VAPB: variants seen among roughly 807,000 people sequenced by gnomAD.
VAPB encodes VAMP associated protein B and C, also known as vesicle-associated membrane protein-associated protein B/C.
VAPB carries 7 observed loss-of-function variants against 25.6 expected under a neutral mutation model. The observed-to-expected ratio is 0.27, with a 90% confidence interval of 0.16 to 0.51. The LOEUF (loss-of-function observed/expected upper bound fraction) is 0.51, where lower values mean the gene tolerates loss of function less well. VAPB is among the 20% of genes least tolerant of loss of function. The pLI is 0.97. For synonymous variants in VAPB, 112 were observed against 109.2 expected, an observed-to-expected ratio of 1.03 and a Z score of -0.16; for missense variants, 266 against 301.3, an observed-to-expected ratio of 0.88 and a Z score of 0.87.
In VAPB at chr20:58,448,049, A is replaced by C; in HGVS notation, c.*3814A>C. On this transcript the variant is annotated 3_prime_UTR_variant, in exon 6 of 6. Transcript: ENST00000475243. Reference sequence around the variant, plus strand: ...CTGGCCTGAAGAAGGAGAAAGAACCAAACTGAACTATGAAAAGTTACCACT... The same window carrying C: ...CTGGCCTGAAGAAGGAGAAAGAACCCAACTGAACTATGAAAAGTTACCACT... 2.2e-6 allele frequency: 1 copy of C among 454,030 alleles called. No individual in the cohort carries two copies. 28.1% of individuals were successfully genotyped at this position (454,030 alleles called of 1,614,324 possible).
Position 58,444,968 on chromosome 20 carries a change from C to G in VAPB, c.*733C>G. ...ATTTAACTTATTTAATGTATTTCAT[C>G]TCATGTTTTCTTATTGTCACAAGAG... On this transcript the variant is annotated 3_prime_UTR_variant, in exon 6 of 6. Coordinates refer to ENST00000475243, the MANE Select transcript of VAPB (RefSeq NM_004738.5). 1 of 454,670 alleles carries G rather than the reference C, an allele frequency of 2.2e-6. No individual in the cohort carries two copies. The highest frequency in any genetic ancestry group is 1.6e-5 in the South Asian group (1 of 64,478). The allele number at this position is 454,670 out of a possible 1,614,324, so 28.2% of individuals were successfully genotyped here.
At chr20:58,418,484 C>T in intron 2 of VAPB, 121 bp downstream of exon 2, 7 of 1,060,388 alleles carry the variant, frequency 6.6e-6, no homozygotes, top group Non-Finnish European at 6.5e-6. Context: ...CCACCCCACC[C>T]CCACCCCACC....
At chr20:58,400,814 T>A (rs1988079716) in intron 1 of VAPB, among the ~76,000 whole-genome samples, 1 of 152,232 alleles carries the variant, frequency 6.6e-6, no homozygotes, top group Non-Finnish European at 1.5e-5. Flanking sequence ...TTGTGGAGGC[T>A]TATTTGAATT....
chr20:58,391,689 C>T (rs1428105038), intron 1 of VAPB, among the ~76,000 whole-genome samples: 3 of 152,158 alleles, frequency 2.0e-5, no homozygotes, highest in African/African-American at 7.2e-5. Context: ...TGTGCCACTA[C>T]GCCTGGCTAA....
intron 1 of VAPB, 94 bp from the exon 2 acceptor site, chr20:58,418,117 A>T (rs1016699786): frequency 6.4e-7 from 1 of 1,554,416 alleles, no homozygotes; most frequent in African/African-American, 1.4e-5. Flanking sequence ...GTGGATCTCA[A>T]ATCTTCCCTT....
chr20:58,444,179 G>A lies in VAPB; in HGVS notation c.676G>A (p.Ala226Thr), dbSNP rs756801275. Residue 226 changes from alanine to threonine, a missense_variant, in exon 6 of 6, where the codon GCT becomes ACT. Ala to Thr is a moderately conservative substitution (Grantham distance 58). Around this residue, in one of 3 missense-constraint regions of VAPB, gnomAD observed 136 missense variants for 130.7 expected, o/e 1.04. Coordinates refer to ENST00000475243, the MANE Select transcript of VAPB (RefSeq NM_004738.5). ...KEEGLSTRLLALVVLFFIVGV... is the reference protein window; with the variant it reads ...KEEGLSTRLLTLVVLFFIVGV... ...AGAAGGCCTTAGCACCCGGCTCTTG[G>A]CTCTGGTGGTTTTGTTCTTTATCGT... 1.2e-6 allele frequency: 2 copies of A among 1,614,186 alleles called. No individual in the cohort carries two copies. Among genetic ancestry groups the A allele is most frequent in the Admixed American group, 3.3e-5 (2 of 60,030 alleles).
At chr20:58,389,628 T>C in intron 1 of VAPB, 111 bp downstream of exon 1, 6 of 1,179,188 alleles carry the variant, frequency 5.1e-6, no homozygotes, top group Non-Finnish European at 5.6e-6. Flanking sequence ...CCGACGGCGC[T>C]GTCGCGGGGG....
intron 1 of VAPB, among the ~76,000 whole-genome samples, chr20:58,409,099 G>A (rs541271533): frequency 5.1e-4 from 77 of 152,244 alleles, no homozygotes; most frequent in African/African-American, 1.8e-3. Context: ...AGCATGGCAT[G>A]GCTATTTGTT....
chr20:58,431,695 G>A (rs1988932703), intron 2 of VAPB, among the ~76,000 whole-genome samples: 1 of 151,864 alleles, frequency 6.6e-6, no homozygotes, highest in African/African-American at 2.4e-5. Context: ...CTCAATCTCA[G>A]CCTCTCAAGT....
intron 1 of VAPB, among the ~76,000 whole-genome samples, chr20:58,398,776 G>A (rs1002052492): frequency 6.6e-6 from 1 of 151,806 alleles, no homozygotes; most frequent in African/African-American, 2.4e-5. Flanking sequence ...TGATCCTGAA[G>A]TTATTAACCC....
At chr20:58,389,594 G>T in intron 1 of VAPB, 77 bp downstream of exon 1, 1 of 1,475,798 alleles carries the variant, frequency 6.8e-7, no homozygotes. Context: ...GGCGCGGCGG[G>T]TGACGTCGGC....
chr20:58,411,835 C>T (rs1164955206), intron 1 of VAPB, among the ~76,000 whole-genome samples: 4 of 152,092 alleles, frequency 2.6e-5, no homozygotes, highest in Non-Finnish European at 5.9e-5. Context: ...CCCACCACCA[C>T]GCCCGGCTAA....
Position 58,450,071 on chromosome 20 carries a change from C to T in VAPB, c.*5836C>T, listed in dbSNP as rs773933309. The stretch of plus-strand genomic sequence containing the variant: ...AGATGAGAAATGAGTGTGCACGTTT[C>T]ACACGTTGACTTGCCGGTTTTTCCA... On this transcript the variant is annotated 3_prime_UTR_variant, in exon 6 of 6. Coordinates refer to ENST00000475243, the MANE Select transcript of VAPB (RefSeq NM_004738.5). The T allele has an allele frequency of 1.3e-5, 6 of 454,066 alleles. 1 individual carries two copies. Among genetic ancestry groups the T allele is most frequent in the South Asian group, 9.3e-5 (6 of 64,482 alleles). 28.1% of individuals were successfully genotyped at this position (454,066 alleles called of 1,614,324 possible).
chr20:58,421,882 T>C (rs897991821), intron 2 of VAPB, among the ~76,000 whole-genome samples: 1 of 152,198 alleles, frequency 6.6e-6, no homozygotes, highest in African/African-American at 2.4e-5. Flanking sequence ...AAGCTCTTTT[T>C]ACCTTTTCAC....
At chr20:58,393,385 G>GT (rs1265438889) in intron 1 of VAPB, among the ~76,000 whole-genome samples, 2 of 146,906 alleles carry the variant, frequency 1.4e-5, no homozygotes, top group East Asian at 3.9e-4. Context: ...AGTCATAGGA[G>GT]TTTTTTAAAA....
chr20:58,428,908 T>C (rs1045066364), intron 2 of VAPB, among the ~76,000 whole-genome samples: 2 of 152,188 alleles, frequency 1.3e-5, no homozygotes, highest in African/African-American at 2.4e-5. Context: ...TTATGAAGTT[T>C]CACAGAATCT....
chr20:58,397,248 G>A (rs1987981247), intron 1 of VAPB, among the ~76,000 whole-genome samples: 1 of 152,128 alleles, frequency 6.6e-6, no homozygotes, highest in African/African-American at 2.4e-5. Flanking sequence ...GGCCGGGCAT[G>A]GTGGCTCATG....
At position 58,449,700 on chromosome 20, in the gene VAPB, A is replaced by T. The variant is rs1406232757; in HGVS notation, c.*5465A>T. 2 of 454,112 alleles carry T rather than the reference A, an allele frequency of 4.4e-6. No individual in the cohort carries two copies. The highest frequency in any genetic ancestry group is 3.1e-5 in the South Asian group (2 of 64,476). The allele number at this position is 454,112 out of a possible 1,614,324, so 28.1% of individuals were successfully genotyped here. A position where few individuals can be genotyped will look rare whatever the true frequency, so the allele number is the denominator to read the frequency against. On this transcript the variant is annotated 3_prime_UTR_variant, in exon 6 of 6. Coordinates refer to ENST00000475243, the MANE Select transcript of VAPB (RefSeq NM_004738.5). The stretch of plus-strand genomic sequence containing the variant: ...TTTATTTTTAAACCAGGAAACATTG[A>T]TCCTGTAACAATGCCCGATTACAAT...
intron 3 of VAPB, among the ~76,000 whole-genome samples, chr20:58,436,750 T>A (rs1270155589): frequency 6.6e-6 from 1 of 152,236 alleles, no homozygotes; most frequent in Non-Finnish European, 1.5e-5. Context: ...TTGTGACATT[T>A]GCTTCCTTTC....
Sources: allele counts gnomAD v4.1 joint callset (sites outside exome capture counted in the v4.1 genomes callset), GRCh38; gene constraint gnomAD v4.1.1; regional missense constraint gnomAD v4.1.1; transcripts MANE v1.5; gene names NCBI Gene and HGNC (gene_info 2026-07-23, HGNC 2026-07-21).